Variants in CAB39 observed in about 807,000 individuals in gnomAD.
CAB39 encodes calcium binding protein 39, also known as calcium-binding protein 39.
CAB39 carries 8 observed loss-of-function variants against 40.0 expected under a neutral mutation model. That is an observed-to-expected ratio of 0.20 (90% confidence interval 0.12 to 0.36). CAB39 has a LOEUF of 0.36. CAB39 is among the 10% of genes least tolerant of loss of function. The pLI, the probability that CAB39 is intolerant of heterozygous loss-of-function variation, is 1.00. For missense variants in CAB39, 270 were observed against 401.1 expected, an observed-to-expected ratio of 0.67 and a Z score of 2.79; for synonymous variants, 156 against 141.6, an observed-to-expected ratio of 1.10 and a Z score of -0.72.
At chr2:230,733,962 C>T (rs1694740034) in intron 1 of CAB39, among the ~76,000 whole-genome samples, 1 of 152,166 alleles carries the variant, frequency 6.6e-6, no homozygotes, top group South Asian at 2.1e-4. Flanking sequence ...GTTTCTTCCC[C>T]TGTTAATGAC....
chr2:230,752,053 C>T (rs1695098191), intron 1 of CAB39: 2 of 117,218 alleles, frequency 1.7e-5, no homozygotes, highest in East Asian at 2.8e-4. Context: ...CACATACACA[C>T]CCCCAACCTC....
intron 1 of CAB39, among the ~76,000 whole-genome samples, chr2:230,740,155 C>T (rs1453660184): frequency 6.6e-6 from 1 of 152,174 alleles, no homozygotes; most frequent in Admixed American, 6.5e-5. Flanking sequence ...ACCAGTGATA[C>T]TATAATGCAG....
intron 5 of CAB39, among the ~76,000 whole-genome samples, chr2:230,809,338 A>G (rs1391943434): frequency 6.6e-6 from 1 of 152,240 alleles, no homozygotes; most frequent in Admixed American, 6.5e-5. Flanking sequence ...ACCTTCAAAC[A>G]TAAACAGGAA....
intron 2 of CAB39, among the ~76,000 whole-genome samples, chr2:230,773,512 A>G (rs1695529930): frequency 6.6e-6 from 1 of 152,134 alleles, no homozygotes; most frequent in Non-Finnish European, 1.5e-5. Flanking sequence ...CTTGAAATAC[A>G]CTATTGAAAT....
Position 230,818,692 on chromosome 2 carries a change from G to C in CAB39, c.1014G>C (p.Gln338His). 1 of 1,612,894 alleles carries C rather than the reference G, an allele frequency of 6.2e-7. No individual in the cohort carries two copies. The highest frequency in any genetic ancestry group is 8.5e-7 in the Non-Finnish European group (1 of 1,179,408). ...TCAGGGATTTGAAGAGACCAGCTCA[G>C]CAAGAAGCTTAATCTCCAATAAACA... ...KQIRDLKRPAQQEA is the reference protein window; with the variant it reads ...KQIRDLKRPAHQEA The change falls in exon 9 of 9, where the codon CAG (glutamine) becomes CAC (histidine). Residue 338 changes from glutamine (Q) to histidine (H), a missense_variant. Gln to His is a conservative substitution (Grantham distance 24). Coordinates refer to ENST00000258418, the MANE Select transcript of CAB39 (RefSeq NM_016289.4).
At chr2:230,734,742 G>T (rs749922957) in intron 1 of CAB39, among the ~76,000 whole-genome samples, 1 of 152,138 alleles carries the variant, frequency 6.6e-6, no homozygotes, top group Non-Finnish European at 1.5e-5. Context: ...TTGGCCACAG[G>T]TATCATGAAG....
intron 1 of CAB39, among the ~76,000 whole-genome samples, chr2:230,717,667 G>A (rs1194236655): frequency 1.3e-5 from 2 of 152,212 alleles, no homozygotes; most frequent in African/African-American, 4.8e-5. Context: ...ACAGGCCTAG[G>A]TGGCAGATCA....
intron 1 of CAB39, among the ~76,000 whole-genome samples, chr2:230,759,570 A>G (rs1695253855): frequency 6.6e-6 from 1 of 152,148 alleles, no homozygotes. Context: ...TAGGAGCAGG[A>G]GATTGTTAGA....
chr2:230,727,759 C>T (rs1004537054), intron 1 of CAB39, among the ~76,000 whole-genome samples: 1 of 151,816 alleles, frequency 6.6e-6, no homozygotes, highest in African/African-American at 2.4e-5. Flanking sequence ...GCCATGCCCT[C>T]GCAACCAGCT....
At chr2:230,754,360 TC>T (rs1478142582) in intron 1 of CAB39, among the ~76,000 whole-genome samples, 1 of 131,548 alleles carries the variant, frequency 7.6e-6, no homozygotes, top group Non-Finnish European at 1.6e-5. Flanking sequence ...TTCCTCTTCT[TC>T]CGTCCCCTTC....
chr2:230,775,533 C>G (rs1463938135), intron 2 of CAB39, among the ~76,000 whole-genome samples: 1 of 152,122 alleles, frequency 6.6e-6, no homozygotes, highest in Non-Finnish European at 1.5e-5. Context: ...CACACCTGGC[C>G]TCTTTGAGGC....
At chr2:230,784,974 A>G (rs1189351396) in intron 2 of CAB39, among the ~76,000 whole-genome samples, 2 of 152,200 alleles carry the variant, frequency 1.3e-5, no homozygotes, top group Non-Finnish European at 2.9e-5. Context: ...TAAATAGGTA[A>G]GGGGAACAGA....
intron 2 of CAB39, among the ~76,000 whole-genome samples, chr2:230,760,814 C>T (rs1695275804): frequency 6.6e-6 from 1 of 152,158 alleles, no homozygotes; most frequent in African/African-American, 2.4e-5. Context: ...TGTTCAACTC[C>T]CTAAATTGTT....
chr2:230,810,685 C>T (rs1696288773), intron 6 of CAB39, among the ~76,000 whole-genome samples: 1 of 152,236 alleles, frequency 6.6e-6, no homozygotes, highest in African/African-American at 2.4e-5. Context: ...AGGGAGGCAG[C>T]AGCTGATAGG....
intron 2 of CAB39, among the ~76,000 whole-genome samples, chr2:230,782,813 C>CTTTTTTTTTTTTTTTTTTTTT (rs1212977897): frequency 2.4e-5 from 2 of 81,766 alleles, no homozygotes; most frequent in African/African-American, 1.3e-4. Context: ...TTCTTTCTTT[C>CTTTTTTTTTTTTTTTTTTTTT]TTTTTTTTTT....
At chr2:230,797,227 G>C (rs761453861) in intron 4 of CAB39, among the ~76,000 whole-genome samples, 11 of 152,156 alleles carry the variant, frequency 7.2e-5, no homozygotes, top group African/African-American at 2.7e-4. Context: ...GCCTTTGAAG[G>C]CTTTTGAAGC....
At chr2:230,792,803 A>G (rs915899985) in intron 3 of CAB39, among the ~76,000 whole-genome samples, 1 of 152,152 alleles carries the variant, frequency 6.6e-6, no homozygotes, top group African/African-American at 2.4e-5. Context: ...TTCCATCACT[A>G]TGAAAGGAAA....
At chr2:230,810,429 A>G (rs910117493) in intron 6 of CAB39, 107 bp downstream of exon 6, 2 of 459,740 alleles carry the variant, frequency 4.4e-6, no homozygotes, top group African/African-American at 4.1e-5. Context: ...TTGCATATGT[A>G]ATGTTTATAA....
intron 1 of CAB39, among the ~76,000 whole-genome samples, chr2:230,751,467 T>A (rs557143599): frequency 6.6e-6 from 1 of 152,222 alleles, no homozygotes; most frequent in African/African-American, 2.4e-5. Flanking sequence ...TTTTGACTTA[T>A]GGACCTTTTG....
Sources: allele counts gnomAD v4.1 joint callset (sites outside exome capture counted in the v4.1 genomes callset), GRCh38; gene constraint gnomAD v4.1.1; transcripts MANE v1.5; gene names NCBI Gene and HGNC (gene_info 2026-07-23, HGNC 2026-07-21).